RSU1: variants seen among roughly 807,000 people sequenced by gnomAD.
RSU1 encodes the protein rsu-1.
In RSU1, 26 loss-of-function variants were observed where a neutral mutation model predicts 31.1. The observed-to-expected ratio is 0.84, with a 90% CI of 0.61 to 1.16. RSU1 has a LOEUF of 1.16. RSU1 is among the 50% of genes most tolerant of loss of function. The pLI, the probability that RSU1 is intolerant of heterozygous loss-of-function variation, is 0.00. For synonymous variants in RSU1, 164 were observed against 136.3 expected, an observed-to-expected ratio of 1.20 and a Z score of -1.41; for missense variants, 320 against 339.1, an observed-to-expected ratio of 0.94 and a Z score of 0.44.
At chr10:16,718,359 A>C (rs1019913892) in intron 7 of RSU1, among the ~76,000 whole-genome samples, 1 of 152,236 alleles carries the variant, frequency 6.6e-6, no homozygotes, top group Non-Finnish European at 1.5e-5. Flanking sequence ...TAAACACAAA[A>C]TAACAACCTT....
intron 8 of RSU1, among the ~76,000 whole-genome samples, chr10:16,611,091 C>G (rs1041180643): frequency 2.0e-5 from 3 of 152,206 alleles, no homozygotes; most frequent in African/African-American, 7.2e-5. Context: ...CAGCGCCCGG[C>G]TGGCTAGAGT....
At chr10:16,622,788 A>C (rs535973555) in intron 8 of RSU1, among the ~76,000 whole-genome samples, 6 of 152,342 alleles carry the variant, frequency 3.9e-5, no homozygotes, top group Admixed American at 2.6e-4. Context: ...AATGCTACTC[A>C]TGAAAGTTTA....
intron 8 of RSU1, among the ~76,000 whole-genome samples, chr10:16,669,727 C>T (rs1268140972): frequency 1.3e-5 from 2 of 152,156 alleles, no homozygotes; most frequent in Admixed American, 6.5e-5. Context: ...TGGCTTCCAG[C>T]TCCATCCGTG....
intron 3 of RSU1, 152 bp downstream of exon 3, chr10:16,781,882 A>G: frequency 1.6e-6 from 1 of 642,676 alleles, no homozygotes; most frequent in Non-Finnish European, 2.7e-6. Context: ...ACAGGATGAC[A>G]ATATTCTCAT....
At chr10:16,745,411 A>G (rs1836830718) in intron 7 of RSU1, among the ~76,000 whole-genome samples, 1 of 152,220 alleles carries the variant, frequency 6.6e-6, no homozygotes, top group African/African-American at 2.4e-5. Flanking sequence ...TCATAGAGAC[A>G]TACCCGAGAC....
chr10:16,736,050 G>A (rs1056040844), intron 7 of RSU1, among the ~76,000 whole-genome samples: 5 of 152,178 alleles, frequency 3.3e-5, no homozygotes, highest in African/African-American at 1.2e-4. Flanking sequence ...ATGCTGAATT[G>A]AAAGGACAGA....
chr10:16,781,021 C>T (rs1325174801), intron 3 of RSU1, among the ~76,000 whole-genome samples: 2 of 152,178 alleles, frequency 1.3e-5, no homozygotes, highest in Non-Finnish European at 2.9e-5. Context: ...TCTGTGACAT[C>T]GCTTCAAGCT....
chr10:16,659,347 T>C (rs1022060863), intron 8 of RSU1, among the ~76,000 whole-genome samples: 4 of 151,486 alleles, frequency 2.6e-5, no homozygotes, highest in African/African-American at 7.3e-5. Context: ...TTCTACTGTT[T>C]TCCTTTCCTT....
At chr10:16,750,850 G>C (rs114254380) in intron 7 of RSU1, among the ~76,000 whole-genome samples, 1 of 150,032 alleles carries the variant, frequency 6.7e-6, no homozygotes, top group Admixed American at 6.6e-5. Flanking sequence ...ATTAACCACT[G>C]TACAAGATCT....
intron 8 of RSU1, among the ~76,000 whole-genome samples, chr10:16,657,481 A>AT (rs200952926): frequency 0.087 from 12,657 of 144,876 alleles, 1,007 homozygotes; most frequent in African/African-American, 0.21. Context: ...GACTTTTGGG[A>AT]TTTTTTTTTT....
chr10:16,738,067 T>C (rs768945561), intron 7 of RSU1, among the ~76,000 whole-genome samples: 1 of 152,132 alleles, frequency 6.6e-6, no homozygotes, highest in Admixed American at 6.5e-5. Context: ...AAGAAAATAT[T>C]TGAAACTGAA....
chr10:16,812,295 A>G (rs1440482311), intron 2 of RSU1, among the ~76,000 whole-genome samples: 3 of 152,196 alleles, frequency 2.0e-5, no homozygotes, highest in African/African-American at 4.8e-5. Flanking sequence ...TATAAAAATT[A>G]GCCAGGTGTG....
At chr10:16,642,245 G>A (rs925245030) in intron 8 of RSU1, among the ~76,000 whole-genome samples, 11 of 152,126 alleles carry the variant, frequency 7.2e-5, no homozygotes, top group Non-Finnish European at 2.9e-5. Flanking sequence ...AGGTAGGGAG[G>A]AGGAAAAGAG....
Position 16,754,953 on chromosome 10 carries a change from G to C in RSU1, c.318C>G (p.Gly106=). 6.2e-7 allele frequency: 1 copy of C among 1,613,648 alleles called. No individual in the cohort carries two copies. Among genetic ancestry groups the C allele is most frequent in the South Asian group, 1.1e-5 (1 of 91,044 alleles). ...CCAGAACCTCAAGAGCTGGCAGGGA[G>C]CCGAAGCCTCGTGGCAAAGTGTTCA... ...NRLNTLPRGF[G]SLPALEVLDL... is the part of the protein sequence containing the mutation. Residue 106 remains glycine, a synonymous_variant, in exon 5 of 9, where the codon GGC becomes GGG. Transcript: ENST00000345264.
At chr10:16,778,210 T>A (rs1413722606) in intron 3 of RSU1, among the ~76,000 whole-genome samples, 1 of 151,894 alleles carries the variant, frequency 6.6e-6, no homozygotes, top group Admixed American at 6.6e-5. Flanking sequence ...TTGCCCAGGC[T>A]GAAGGTCATG....
intron 7 of RSU1, among the ~76,000 whole-genome samples, chr10:16,699,155 C>T (rs74125838): frequency 1.4e-4 from 21 of 152,194 alleles, no homozygotes; most frequent in Non-Finnish European, 1.6e-4. Flanking sequence ...AAATGGAAAC[C>T]GCGCGAGCGA....
At chr10:16,669,853 A>C (rs938886748) in intron 8 of RSU1, among the ~76,000 whole-genome samples, 2 of 152,188 alleles carry the variant, frequency 1.3e-5, no homozygotes, top group East Asian at 3.8e-4. Context: ...GGTTGATTCC[A>C]TGTCTTTGCT....
At chr10:16,597,761 C>A (rs1281056511) in intron 8 of RSU1, among the ~76,000 whole-genome samples, 3 of 152,198 alleles carry the variant, frequency 2.0e-5, no homozygotes, top group African/African-American at 7.2e-5. Context: ...TCCCCAAACA[C>A]CTCTGGAACA....
intron 7 of RSU1, among the ~76,000 whole-genome samples, chr10:16,734,600 T>C (rs987348893): frequency 6.6e-6 from 1 of 152,226 alleles, no homozygotes; most frequent in African/African-American, 2.4e-5. Flanking sequence ...TCTCAAAGAT[T>C]TCTGAAAAGA....
Sources: allele counts gnomAD v4.1 joint callset (sites outside exome capture counted in the v4.1 genomes callset), GRCh38; gene constraint gnomAD v4.1.1; transcripts MANE v1.5; gene names NCBI Gene and HGNC (gene_info 2026-07-23, HGNC 2026-07-21).